LRRFIP2: variants seen among roughly 807,000 people sequenced by gnomAD.
LRRFIP2 encodes the protein LRR binding FLII interacting protein 2.
Under a neutral mutation model 125.9 loss-of-function variants are expected in LRRFIP2, and 109 were observed. That is an observed-to-expected ratio of 0.87 (90% CI 0.74 to 1.01). LRRFIP2 has a LOEUF of 1.01. Among genes scored for constraint, LRRFIP2 ranks in the 50% least tolerant of loss-of-function variants. The probability of loss-of-function intolerance (pLI) is 0.00; values close to 1 mark genes in which losing one functional copy is unlikely to be tolerated. For missense variants in LRRFIP2, 850 were observed against 862.3 expected (o/e 0.99, Z 0.18); for synonymous variants, 291 against 293.1 (o/e 0.99, Z 0.07).
intron 18 of LRRFIP2, among the ~76,000 whole-genome samples, chr3:37,090,193 A>G (rs528895266): frequency 4.6e-5 from 7 of 151,752 alleles, no homozygotes; most frequent in African/African-American, 1.7e-4. Context: ...TTGCTTTTTT[A>G]GAGGTGTAGT....
intron 13 of LRRFIP2, among the ~76,000 whole-genome samples, chr3:37,107,521 G>A (rs2094386956): frequency 2.0e-5 from 3 of 152,046 alleles, no homozygotes; most frequent in Admixed American, 6.5e-5. Flanking sequence ...ATTTGGGGAA[G>A]GAAAATGGGG....
intron 15 of LRRFIP2, 106 bp downstream of exon 15, chr3:37,102,818 A>T: frequency 1.3e-6 from 1 of 782,062 alleles, no homozygotes; most frequent in Non-Finnish European, 2.0e-6. Flanking sequence ...AATATTTCTT[A>T]AGACAATAAA....
intron 24 of LRRFIP2, 87 bp downstream of exon 24, chr3:37,063,655 A>T (rs2089383755): frequency 1.0e-6 from 1 of 977,234 alleles, no homozygotes; most frequent in Admixed American, 1.8e-5. Context: ...AAAGAAGCAT[A>T]TTTTTTTAAT....
At position 37,122,698 on chromosome 3, in the gene LRRFIP2, A is replaced by G. The variant is rs527781408; in HGVS notation, c.229-1007T>C. On this transcript the variant is annotated intron_variant, in intron 4 of 27. Transcript: ENST00000336686. ...AAACTACTTACATCTAGAAGTAATT[A>G]CATATATATTTTAGAGTTGGTCAAG... is the stretch of plus-strand genomic sequence containing the variant. Among the ~76,000 whole-genome samples, 4 of 152,342 alleles carry G rather than the reference A, an allele frequency of 2.6e-5. No individual in the cohort carries two copies. The South Asian group carries it at 6.2e-4, about 24-fold the overall frequency.
At chr3:37,070,507 G>C (rs2090992533) in intron 21 of LRRFIP2, among the ~76,000 whole-genome samples, 1 of 151,936 alleles carries the variant, frequency 6.6e-6, no homozygotes, top group Non-Finnish European at 1.5e-5. Flanking sequence ...AGGCCGAGGT[G>C]GGTGGATCAC....
At chr3:37,134,899 A>G (rs2095519001) in intron 2 of LRRFIP2, 1 of 1,332,236 alleles carries the variant, frequency 7.5e-7, no homozygotes, top group Non-Finnish European at 1.1e-6. Context: ...ATTAACAGTA[A>G]TGGCAGCATT....
chr3:37,084,678 A>C (rs1576314854), intron 18 of LRRFIP2, among the ~76,000 whole-genome samples: 1 of 152,108 alleles, frequency 6.6e-6, no homozygotes, highest in Admixed American at 6.5e-5. Context: ...TCAATAAAAC[A>C]AAACAAAATA....
chr3:37,064,001 G>C, intron 23 of LRRFIP2: 1 of 503,428 alleles, frequency 2.0e-6, no homozygotes, highest in Admixed American at 3.6e-5. Flanking sequence ...ATATTTATCA[G>C]GGCACCAAAT....
intron 15 of LRRFIP2, among the ~76,000 whole-genome samples, chr3:37,098,147 A>C (rs1282959369): frequency 6.6e-6 from 1 of 152,180 alleles, no homozygotes. Flanking sequence ...TAATATAAAC[A>C]CTATTTTTAG....
At chr3:37,160,355 A>G (rs1486324170) in intron 1 of LRRFIP2, among the ~76,000 whole-genome samples, 2 of 152,200 alleles carry the variant, frequency 1.3e-5, no homozygotes, top group African/African-American at 2.4e-5. Flanking sequence ...AAACCCACTA[A>G]CTCAGAAGAA....
chr3:37,071,551 A>T (rs2091187781), intron 21 of LRRFIP2, among the ~76,000 whole-genome samples: 1 of 152,100 alleles, frequency 6.6e-6, no homozygotes, highest in South Asian at 2.1e-4. Flanking sequence ...TTAATGAGAG[A>T]GGTCCTTGAA....
At chr3:37,100,505 A>T (rs1392738108) in intron 15 of LRRFIP2, among the ~76,000 whole-genome samples, 1 of 148,650 alleles carries the variant, frequency 6.7e-6, no homozygotes, top group Non-Finnish European at 1.5e-5. Flanking sequence ...ACTATAAAAT[A>T]ACAGGGGTTA....
chr3:37,152,287 G>T (rs1009797913), intron 1 of LRRFIP2, among the ~76,000 whole-genome samples: 1 of 152,168 alleles, frequency 6.6e-6, no homozygotes, highest in African/African-American at 2.4e-5. Flanking sequence ...TTGGGGACTT[G>T]GTGGTGGGGG....
chr3:37,117,476 C>A (rs541391530), intron 6 of LRRFIP2, among the ~76,000 whole-genome samples: 6 of 151,928 alleles, frequency 3.9e-5, no homozygotes, highest in Middle Eastern at 3.4e-3. Context: ...TAAAAGTTGG[C>A]CTTTATATTG....
At chr3:37,174,844 T>G (rs994163421), upstream of LRRFIP2, 1 of 152,236 alleles carries the variant, frequency 6.6e-6, no homozygotes, top group African/African-American at 2.4e-5. Flanking sequence ...ATTTCAATTT[T>G]CAGATTCATA....
chr3:37,053,060 C>A lies in LRRFIP2; in HGVS notation c.*791G>T, dbSNP rs2085924121. 6.6e-6 allele frequency: 1 copy of A among 152,468 alleles called. No homozygotes were observed. The highest frequency in any genetic ancestry group is 1.5e-5 in the Non-Finnish European group (1 of 68,004). The allele number at this position is 152,468 out of a possible 1,614,324, so 9.4% of individuals were successfully genotyped here. On this transcript the variant is annotated 3_prime_UTR_variant, in exon 28 of 28. Coordinates refer to ENST00000336686, the MANE Select transcript of LRRFIP2 (RefSeq NM_006309.4). ...ATCTGCAGGCAGATTTCCAATCTGCCTGCCCTGCCCTACCCTCCCCCTTTG... is the reference window on the plus strand; with the variant it reads ...ATCTGCAGGCAGATTTCCAATCTGCATGCCCTGCCCTACCCTCCCCCTTTG...
At chr3:37,164,114 G>T (rs1477621142) in intron 1 of LRRFIP2, among the ~76,000 whole-genome samples, 1 of 152,096 alleles carries the variant, frequency 6.6e-6, no homozygotes, top group Non-Finnish European at 1.5e-5. Context: ...ATCTGTTGGC[G>T]CATTTAGGGG....
chr3:37,095,588 T>C (rs1262839375), intron 16 of LRRFIP2, among the ~76,000 whole-genome samples: 1 of 152,154 alleles, frequency 6.6e-6, no homozygotes, highest in Non-Finnish European at 1.5e-5. Flanking sequence ...GAAGGCTTAG[T>C]GTAGAAAAAA....
At chr3:37,110,777 A>G (rs1348488896) in intron 9 of LRRFIP2, among the ~76,000 whole-genome samples, 2 of 152,194 alleles carry the variant, frequency 1.3e-5, no homozygotes, top group Non-Finnish European at 2.9e-5. Flanking sequence ...TTTATTTAAA[A>G]ATGTCTTTAA....
Sources: gnomAD v4.1 joint callset for allele counts (sites outside exome capture counted in the v4.1 genomes callset) on GRCh38, gnomAD v4.1.1 for gene constraint, MANE v1.5 for transcripts, NCBI Gene and HGNC (gene_info 2026-07-23, HGNC 2026-07-21) for gene names.